EYS: variants seen among roughly 807,000 people sequenced by gnomAD.
EYS encodes the protein protein eyes shut homolog.
EYS carries 250 observed loss-of-function variants against 282.1 expected under a neutral mutation model. The ratio of observed to expected loss-of-function variants is 0.89; its 90% CI spans 0.80 to 0.98. The LOEUF is 0.98. Among genes scored for constraint, EYS ranks in the 50% least tolerant of loss-of-function variants. The probability of loss-of-function intolerance (pLI) is 0.00; values close to 1 mark genes in which losing one functional copy is unlikely to be tolerated. For synonymous variants in EYS, 1,355 were observed against 1,282.9 expected, an observed-to-expected ratio of 1.06 and a Z score of -1.20; for missense variants, 4,016 against 3,709.0, an observed-to-expected ratio of 1.08 and a Z score of -2.15.
At chr6:63,968,487 T>G (rs1766409787) in intron 35 of EYS, among the ~76,000 whole-genome samples, 1 of 151,926 alleles carries the variant, frequency 6.6e-6, no homozygotes, top group Non-Finnish European at 1.5e-5. Flanking sequence ...AACTCAAAAA[T>G]AAAAGCACCT....
chr6:64,044,601 T>C (rs930209148), intron 33 of EYS, among the ~76,000 whole-genome samples: 2 of 152,218 alleles, frequency 1.3e-5, no homozygotes, highest in Non-Finnish European at 2.9e-5. Context: ...GTTATGAAAA[T>C]GTATTTGCCC....
intron 31 of EYS, among the ~76,000 whole-genome samples, chr6:64,129,005 C>T (rs1423180136): frequency 6.6e-6 from 1 of 152,044 alleles, no homozygotes; most frequent in Non-Finnish European, 1.5e-5. Flanking sequence ...TATATACAAC[C>T]CTCTGGTCAA....
At chr6:64,499,131 C>T (rs978047346) in intron 26 of EYS, among the ~76,000 whole-genome samples, 3 of 152,210 alleles carry the variant, frequency 2.0e-5, no homozygotes, top group Non-Finnish European at 4.4e-5. Context: ...CTGTTATTTC[C>T]GGACATTTTA....
intron 10 of EYS, among the ~76,000 whole-genome samples, chr6:65,338,074 C>T (rs1398330817): frequency 6.6e-6 from 1 of 151,184 alleles, no homozygotes; most frequent in Non-Finnish European, 1.5e-5. Flanking sequence ...GTGATATGAA[C>T]ACCTAAATTA....
intron 22 of EYS, among the ~76,000 whole-genome samples, chr6:64,771,054 G>T (rs1014121003): frequency 4.9e-4 from 75 of 151,678 alleles, no homozygotes; most frequent in African/African-American, 1.7e-3. Flanking sequence ...TTCCCCTTCT[G>T]AAACTTGCTA....
chr6:64,728,753 A>C (rs1367215614), intron 22 of EYS: 1 of 152,288 alleles, frequency 6.6e-6, no homozygotes, highest in Admixed American at 6.5e-5. Context: ...GCAAAGAGTC[A>C]GTGTGACAGT....
intron 29 of EYS, among the ~76,000 whole-genome samples, chr6:64,385,963 T>C (rs1381419782): frequency 6.6e-6 from 1 of 152,220 alleles, no homozygotes. Context: ...AGCCTAGTTC[T>C]TGATTGCTGA....
chr6:65,005,752 T>C lies in EYS; in HGVS notation c.2138-8049A>G, dbSNP rs1204947313. On this transcript the variant is annotated intron_variant, in intron 13 of 42. Transcript: ENST00000503581. ...CCACTTTCAATTTTCTTGGAGAAGCTGAGGACCGACTAGAGGTAGAAAGCA... is the reference window on the plus strand; with the variant it reads ...CCACTTTCAATTTTCTTGGAGAAGCCGAGGACCGACTAGAGGTAGAAAGCA... Among the ~76,000 whole-genome samples, 2 of 119,668 alleles carry C rather than the reference T, an allele frequency of 1.7e-5. 1 individual carries two copies. The highest frequency in any genetic ancestry group is 4.0e-5 in the Non-Finnish European group (2 of 49,422). 78.5% of individuals were successfully genotyped at this position (119,668 alleles called of 152,430 possible).
At chr6:63,857,669 C>A in intron 36 of EYS, 1 of 448,458 alleles carries the variant, frequency 2.2e-6, no homozygotes, top group Non-Finnish European at 4.6e-6. Context: ...GCTACTCAAG[C>A]ACTACTTGTT....
At chr6:65,126,918 C>T (rs1197286965) in intron 12 of EYS, among the ~76,000 whole-genome samples, 1 of 152,088 alleles carries the variant, frequency 6.6e-6, no homozygotes, top group Non-Finnish European at 1.5e-5. Context: ...AAGCTGTTGA[C>T]CTGAGGCTCT....
chr6:65,615,784 A>AC, intron 2 of EYS, among the ~76,000 whole-genome samples: 1 of 152,126 alleles, frequency 6.6e-6, no homozygotes, highest in Non-Finnish European at 1.5e-5. Flanking sequence ...AATACAAAAA[A>AC]TTAGCCGGTC....
chr6:65,012,941 T>G (rs1771926375), intron 13 of EYS, among the ~76,000 whole-genome samples: 1 of 151,786 alleles, frequency 6.6e-6, no homozygotes, highest in Admixed American at 6.6e-5. Context: ...AGAATTCAAA[T>G]AGAAACAAGA....
chr6:64,060,287 T>G (rs1179552964), intron 33 of EYS, among the ~76,000 whole-genome samples: 2 of 152,278 alleles, frequency 1.3e-5, no homozygotes, highest in East Asian at 3.9e-4. Flanking sequence ...AGTATGGATA[T>G]TCTTTTTTCT....
At chr6:64,857,638 G>A (rs1372173836) in intron 19 of EYS, among the ~76,000 whole-genome samples, 1 of 152,108 alleles carries the variant, frequency 6.6e-6, no homozygotes, top group Non-Finnish European at 1.5e-5. Context: ...TAGATATGCT[G>A]GATCATATGG....
Position 63,859,812 on chromosome 6 carries a change from C to T in EYS, c.7228+4374G>A, listed in dbSNP as rs147437305. Among the ~76,000 whole-genome samples the T allele has an allele frequency of 4.6e-5, 7 of 152,194 alleles. No homozygotes were observed. The East Asian group carries it at 1.4e-3, about 29-fold the overall frequency. The stretch of plus-strand genomic sequence containing the variant: ...TCCGGCCATCACTGCCACGATTACC[C>T]CTGGATGAATTCCTCAGTGGAAATA... On this transcript the variant is annotated intron_variant, in intron 36 of 42. Coordinates refer to ENST00000503581, the MANE Select transcript of EYS (RefSeq NM_001142800.2).
chr6:65,017,592 C>A (rs1390235772), intron 13 of EYS, among the ~76,000 whole-genome samples: 1 of 152,120 alleles, frequency 6.6e-6, no homozygotes, highest in Admixed American at 6.5e-5. Context: ...CATAATCGGA[C>A]CCTGGTGCTT....
intron 26 of EYS, among the ~76,000 whole-genome samples, chr6:64,573,841 G>C (rs1314956598): frequency 1.3e-5 from 2 of 152,146 alleles, no homozygotes; most frequent in Non-Finnish European, 2.9e-5. Flanking sequence ...GTGTAAATTA[G>C]TTCAATCATT....
At chr6:64,109,340 T>C (rs543853982) in intron 31 of EYS, among the ~76,000 whole-genome samples, 2 of 152,250 alleles carry the variant, frequency 1.3e-5, no homozygotes, top group African/African-American at 4.8e-5. Flanking sequence ...CTTCCTATTT[T>C]CTTCATTATT....
Position 65,436,500 on chromosome 6 carries a change from T to G in EYS, c.863-31133A>C, listed in dbSNP as rs73445184. Among the ~76,000 whole-genome samples, 674 of 152,318 alleles carry G rather than the reference T, an allele frequency of 4.4e-3. 3 individuals are homozygous for G. The highest frequency in any genetic ancestry group is 0.015 in the African/African-American group (624 of 41,578). ...AATGATGTTTTGATTGTCTATTCAG[T>G]GCTTCCCAGCATTTTTCATTTCAGG... On this transcript the variant is annotated intron_variant, in intron 5 of 42. Transcript: ENST00000503581.
Sources: allele counts gnomAD v4.1 joint callset (sites outside exome capture counted in the v4.1 genomes callset), GRCh38; gene constraint gnomAD v4.1.1; transcripts MANE v1.5; gene names NCBI Gene and HGNC (gene_info 2026-07-23, HGNC 2026-07-21).